The following ZFP2 variants were observed in gnomAD, a reference collection of about 807,000 sequenced individuals.
ZFP2 encodes zinc finger protein ZFP2.
A neutral mutation model predicts 36.1 loss-of-function variants in ZFP2; 33 were observed. That is an observed-to-expected ratio of 0.92 (90% CI 0.69 to 1.22). The LOEUF (loss-of-function observed/expected upper bound fraction) is 1.22. ZFP2 is among the 50% of genes most tolerant of loss of function. The probability of loss-of-function intolerance (pLI) is 0.00; values close to 1 mark genes in which losing one functional copy is unlikely to be tolerated. For missense variants in ZFP2, 522 were observed against 551.4 expected (o/e 0.95, Z 0.53); for synonymous variants, 170 against 178.0 (o/e 0.96, Z 0.36).
chr5:178,916,566 T>C lies in ZFP2; in HGVS notation c.-222T>C. ...AACTCCAGATCTTGTTCTTTCCAGA[T>C]TTTCTTGGATATTGCTGTCAGATTA... On this transcript the variant is annotated splice_region_variant and 5_prime_UTR_variant, in exon 4 of 5. Coordinates refer to ENST00000361362, the MANE Select transcript of ZFP2 (RefSeq NM_030613.4). 1 of 985,398 alleles carries C rather than the reference T, an allele frequency of 1.0e-6. No individual in the cohort carries two copies. Among genetic ancestry groups the C allele is most frequent in the Non-Finnish European group, 1.2e-6 (1 of 829,924 alleles). The allele number at this position is 985,398 out of a possible 1,614,324, so 61.0% of individuals were successfully genotyped here.
chr5:178,921,312 T>A (rs1312386780), intron 4 of ZFP2, among the ~76,000 whole-genome samples: 1 of 152,208 alleles, frequency 6.6e-6, no homozygotes, highest in African/African-American at 2.4e-5. Context: ...CTCTTCTGGC[T>A]ACAAGGCAGG....
intron 1 of ZFP2, among the ~76,000 whole-genome samples, chr5:178,909,273 C>G (rs140261135): frequency 1.3e-5 from 2 of 152,162 alleles, no homozygotes; most frequent in African/African-American, 4.8e-5. Context: ...TCGATTGTAT[C>G]GTAAACTAGA....
At chr5:178,919,424 C>G (rs1233258437) in intron 4 of ZFP2, among the ~76,000 whole-genome samples, 1 of 152,276 alleles carries the variant, frequency 6.6e-6, no homozygotes, top group South Asian at 2.1e-4. Flanking sequence ...GTGACAAATT[C>G]TCTTAGTTTT....
chr5:178,897,861 A>T (rs1006914812), intron 1 of ZFP2, among the ~76,000 whole-genome samples: 4 of 152,218 alleles, frequency 2.6e-5, no homozygotes, highest in African/African-American at 9.6e-5. Flanking sequence ...TAAATAAGTC[A>T]GTAATATTGT....
Position 178,932,341 on chromosome 5 carries a change from A to G in ZFP2, c.1028A>G (p.Gln343Arg). The change falls in exon 5 of 5, where the codon CAA (glutamine) becomes CGA (arginine). Residue 343 changes from glutamine (Q) to arginine (R), a missense_variant. Gln to Arg is a conservative substitution (Grantham distance 43). Transcript: ENST00000361362. ...KAFSKNSSLT[Q>R]HRRIHTGEKP... Reference sequence around the variant, plus strand: ...TTCAGTAAGAATTCATCTCTAACTCAACATCGGAGAATTCACACTGGAGAG... The same window carrying G: ...TTCAGTAAGAATTCATCTCTAACTCGACATCGGAGAATTCACACTGGAGAG... The G allele has an allele frequency of 6.2e-7, 1 of 1,614,132 alleles. No homozygotes were observed. Among genetic ancestry groups the G allele is most frequent in the Admixed American group, 1.7e-5 (1 of 60,020 alleles).
chr5:178,900,017 T>C (rs1367611874), intron 1 of ZFP2, among the ~76,000 whole-genome samples: 1 of 152,152 alleles, frequency 6.6e-6, no homozygotes, highest in Non-Finnish European at 1.5e-5. Context: ...AAAATAACTT[T>C]TAAAATGGGG....
intron 1 of ZFP2, chr5:178,910,415 C>A: frequency 1.2e-6 from 1 of 831,872 alleles, no homozygotes; most frequent in South Asian, 1.3e-5. Context: ...AGGATGTTGG[C>A]AGCTGGCAGC....
chr5:178,919,765 G>A (rs1433564495), intron 4 of ZFP2, among the ~76,000 whole-genome samples: 3 of 152,026 alleles, frequency 2.0e-5, no homozygotes, highest in Admixed American at 1.3e-4. Flanking sequence ...TTTGAGACTG[G>A]CCTGGGCAAA....
At chr5:178,924,963 C>G (rs1291972641) in intron 4 of ZFP2, among the ~76,000 whole-genome samples, 1 of 148,314 alleles carries the variant, frequency 6.7e-6, no homozygotes, top group Non-Finnish European at 1.5e-5. Flanking sequence ...TTCACATCCT[C>G]TTACCTCTCT....
intron 4 of ZFP2, among the ~76,000 whole-genome samples, chr5:178,919,939 G>T (rs1314861456): frequency 6.6e-6 from 1 of 151,414 alleles, no homozygotes; most frequent in Non-Finnish European, 1.5e-5. Context: ...ACTTCAGCCT[G>T]GGCGACAGAG....
intron 1 of ZFP2, among the ~76,000 whole-genome samples, chr5:178,897,324 TAATG>T (rs2113034883): frequency 6.6e-6 from 1 of 152,230 alleles, no homozygotes; most frequent in East Asian, 1.9e-4. Flanking sequence ...TTTTGAACAC[TAATG>T]AATATTTTCA....
At chr5:178,910,444 A>G in intron 1 of ZFP2, 1 of 738,458 alleles carries the variant, frequency 1.4e-6, no homozygotes, top group East Asian at 2.6e-5. Context: ...TCTTGGTCCC[A>G]TTGACAAGGC....
intron 1 of ZFP2, among the ~76,000 whole-genome samples, chr5:178,911,979 T>A (rs1758306140): frequency 6.6e-6 from 1 of 151,936 alleles, no homozygotes; most frequent in Non-Finnish European, 1.5e-5. Context: ...CTACTAAAAT[T>A]ACAAAAATTA....
At chr5:178,927,610 C>T (rs113030239) in intron 4 of ZFP2, among the ~76,000 whole-genome samples, 12,603 of 150,256 alleles carry the variant, frequency 0.084, 668 homozygotes, top group Non-Finnish European at 0.12. Flanking sequence ...GATTCTCCTG[C>T]CTCAGCCTCC....
chr5:178,911,732 A>G (rs62395084), intron 1 of ZFP2, among the ~76,000 whole-genome samples: 28,070 of 152,146 alleles, frequency 0.18, 2,864 homozygotes, highest in African/African-American at 0.27. Context: ...TTATTTACAT[A>G]TCAAAATGCT....
chr5:178,924,144 C>T lies in ZFP2; in HGVS notation c.-77-7093C>T, dbSNP rs948444816. On this transcript the variant is annotated intron_variant, in intron 4 of 4. Transcript: ENST00000361362. Reference sequence around the variant, plus strand: ...ATCCCAGCACTTTTTGAGGCCGAGGCGGGCGGATCACGAGGTCAGGAGATC... The same window carrying T: ...ATCCCAGCACTTTTTGAGGCCGAGGTGGGCGGATCACGAGGTCAGGAGATC... Among the ~76,000 whole-genome samples, 11 of 148,498 alleles carry T rather than the reference C, an allele frequency of 7.4e-5. 1 individual carries two copies. The highest frequency in any genetic ancestry group is 1.2e-4 in the Non-Finnish European group (8 of 66,172).
At chr5:178,931,096 G>A (rs1260863530) in intron 4 of ZFP2, 141 bp from the exon 5 acceptor site, 11 of 849,188 alleles carry the variant, frequency 1.3e-5, no homozygotes, top group Non-Finnish European at 1.7e-6. Context: ...CCTAATTTTG[G>A]GTACATGTTT....
At chr5:178,913,604 T>A (rs927530110) in intron 3 of ZFP2, among the ~76,000 whole-genome samples, 2 of 152,220 alleles carry the variant, frequency 1.3e-5, no homozygotes, top group African/African-American at 4.8e-5. Context: ...TGTTTTCATT[T>A]CTAGCAGCCT....
chr5:178,922,622 C>G, intron 4 of ZFP2: 1 of 1,585,274 alleles, frequency 6.3e-7, no homozygotes, highest in Non-Finnish European at 8.6e-7. Flanking sequence ...GGCCCATCTC[C>G]TGTACGCTTG....
Sources: allele counts gnomAD v4.1 joint callset (sites outside exome capture counted in the v4.1 genomes callset), GRCh38; gene constraint gnomAD v4.1.1; transcripts MANE v1.5; gene names NCBI Gene and HGNC (gene_info 2026-07-23, HGNC 2026-07-21).